Variants in EPHA6 observed in about 807,000 individuals in gnomAD.
EPHA6 encodes ephrin type-A receptor 6.
In EPHA6, 50 loss-of-function variants were observed where a neutral mutation model predicts 112.0. The ratio of observed to expected loss-of-function variants is 0.45; its 90% CI spans 0.36 to 0.56. The LOEUF (loss-of-function observed/expected upper bound fraction) is 0.56, where lower values mean the gene tolerates loss of function less well. Among genes scored for constraint, EPHA6 ranks in the 20% least tolerant of loss-of-function variants. The pLI, the probability that EPHA6 is intolerant of heterozygous loss-of-function variation, is 0.00. For missense variants in EPHA6, 1,280 were observed against 1,417.4 expected, an observed-to-expected ratio of 0.90 and a Z score of 1.56; for synonymous variants, 529 against 490.7, an observed-to-expected ratio of 1.08 and a Z score of -1.03.
chr3:97,309,520 A>T (rs1223478828), intron 5 of EPHA6, among the ~76,000 whole-genome samples: 5 of 151,664 alleles, frequency 3.3e-5, no homozygotes, highest in South Asian at 2.1e-4. Flanking sequence ...ATGGCTTATT[A>T]TACTTAGAAA....
chr3:97,088,435 C>T (rs1303030448), intron 3 of EPHA6, among the ~76,000 whole-genome samples: 1 of 152,062 alleles, frequency 6.6e-6, no homozygotes, highest in African/African-American at 2.4e-5. Flanking sequence ...CATTCTGTCT[C>T]CATTCTTAGA....
In EPHA6 at chr3:96,919,447, A is replaced by T. The variant is rs190739302; in HGVS notation, c.450+52558A>T. ...GACAGTAGATTCCATAGAAATTCAT[A>T]AAAGTACATTAATATTATCTACAAA... On this transcript the variant is annotated intron_variant, in intron 2 of 17. Coordinates refer to ENST00000389672, the MANE Select transcript of EPHA6 (RefSeq NM_001080448.3). Among the ~76,000 whole-genome samples the T allele has an allele frequency of 8.9e-4, 136 of 152,048 alleles. 1 individual carries two copies. Among genetic ancestry groups the T allele is most frequent in the Middle Eastern group, 3.4e-3 (1 of 292 alleles).
At chr3:97,378,281 C>T (rs539843777) in intron 5 of EPHA6, among the ~76,000 whole-genome samples, 1 of 152,268 alleles carries the variant, frequency 6.6e-6, no homozygotes, top group South Asian at 2.1e-4. Flanking sequence ...TGTAGGTGCA[C>T]AGAGTCAAGA....
chr3:97,538,780 A>G (rs1194931667), intron 11 of EPHA6, among the ~76,000 whole-genome samples: 1 of 152,184 alleles, frequency 6.6e-6, no homozygotes, highest in Non-Finnish European at 1.5e-5. Flanking sequence ...CTCATGAAGC[A>G]TATCATGGGA....
chr3:97,275,809 A>G (rs907048998), intron 5 of EPHA6, among the ~76,000 whole-genome samples: 12 of 151,860 alleles, frequency 7.9e-5, no homozygotes, highest in African/African-American at 2.9e-4. Context: ...GAGTAGAGGT[A>G]TCCCATACTG....
intron 14 of EPHA6, among the ~76,000 whole-genome samples, chr3:97,703,786 G>A (rs2033528509): frequency 6.6e-6 from 1 of 152,136 alleles, no homozygotes; most frequent in Non-Finnish European, 1.5e-5. Flanking sequence ...TTGAGCACAT[G>A]TGAAGTCCTT....
intron 3 of EPHA6, among the ~76,000 whole-genome samples, chr3:97,074,679 A>G (rs2046461487): frequency 6.6e-6 from 1 of 152,028 alleles, no homozygotes. Flanking sequence ...CAAAATTCCA[A>G]GGATATTTTT....
chr3:97,033,200 T>G (rs1242075504), intron 3 of EPHA6, among the ~76,000 whole-genome samples: 1 of 151,978 alleles, frequency 6.6e-6, no homozygotes, highest in Non-Finnish European at 1.5e-5. Context: ...GTATAACAAT[T>G]TAAGCTTTAC....
chr3:97,038,705 A>C (rs2045201908), intron 3 of EPHA6, among the ~76,000 whole-genome samples: 1 of 152,026 alleles, frequency 6.6e-6, no homozygotes, highest in Admixed American at 6.6e-5. Flanking sequence ...CTTTGGGTGT[A>C]GGCAGGGACC....
Position 97,421,496 on chromosome 3 carries a change from A to G in EPHA6, c.1731+16222A>G, listed in dbSNP as rs193279736. ...AATTTTATAGAAAGACATTAAAAAC[A>G]CTCAAATACAGCCCACATTTGTAAA... On this transcript the variant is annotated intron_variant, in intron 6 of 17. Coordinates refer to ENST00000389672, the MANE Select transcript of EPHA6 (RefSeq NM_001080448.3). Among the ~76,000 whole-genome samples the G allele has an allele frequency of 2.0e-3, 309 of 152,256 alleles. 4 individuals carry two copies. Among genetic ancestry groups the G allele is most frequent in the East Asian group, 2.5e-3 (13 of 5,192 alleles).
intron 5 of EPHA6, among the ~76,000 whole-genome samples, chr3:97,283,607 G>C (rs2080364856): frequency 6.6e-6 from 1 of 151,960 alleles, no homozygotes; most frequent in Admixed American, 6.6e-5. Context: ...GCCTTTCAGG[G>C]GGGTGAGGGG....
At chr3:97,731,819 G>A (rs1353065303) in intron 15 of EPHA6, among the ~76,000 whole-genome samples, 10 of 151,946 alleles carry the variant, frequency 6.6e-5, no homozygotes, top group African/African-American at 2.4e-5. Context: ...ACTCCAACCC[G>A]AGAATTGCTT....
intron 11 of EPHA6, among the ~76,000 whole-genome samples, chr3:97,551,639 T>G (rs1178571495): frequency 4.6e-5 from 7 of 152,148 alleles, no homozygotes; most frequent in Non-Finnish European, 1.0e-4. Flanking sequence ...AGTATGGCTC[T>G]CCATAAATAC....
intron 3 of EPHA6, among the ~76,000 whole-genome samples, chr3:97,031,938 C>T (rs111764874): frequency 0.051 from 7,831 of 152,142 alleles, 660 homozygotes; most frequent in African/African-American, 0.18. Context: ...CCAGCCATCC[C>T]GTTACTGGGT....
At chr3:97,375,223 T>C (rs1180053388) in intron 5 of EPHA6, among the ~76,000 whole-genome samples, 3 of 152,104 alleles carry the variant, frequency 2.0e-5, no homozygotes, top group Non-Finnish European at 4.4e-5. Flanking sequence ...CCTTGCAAAA[T>C]AAAAGGGAAG....
At chr3:96,948,401 A>C (rs1263005531) in intron 2 of EPHA6, among the ~76,000 whole-genome samples, 1 of 152,204 alleles carries the variant, frequency 6.6e-6, no homozygotes, top group Non-Finnish European at 1.5e-5. Flanking sequence ...TTTGAAACTT[A>C]GGAATCAGTG....
intron 17 of EPHA6, among the ~76,000 whole-genome samples, chr3:97,748,106 C>T (rs1201225745): frequency 6.6e-6 from 1 of 152,068 alleles, no homozygotes; most frequent in Non-Finnish European, 1.5e-5. Context: ...ATGGCAATTT[C>T]ATACAGTACA....
At chr3:97,568,627 T>C (rs896377192) in intron 11 of EPHA6, among the ~76,000 whole-genome samples, 14 of 152,356 alleles carry the variant, frequency 9.2e-5, no homozygotes, top group African/African-American at 2.6e-4. Context: ...TTGCCCTTTT[T>C]AGGTTTAATC....
At chr3:97,440,955 A>G (rs909547624) in intron 6 of EPHA6, among the ~76,000 whole-genome samples, 4 of 151,980 alleles carry the variant, frequency 2.6e-5, no homozygotes, top group Non-Finnish European at 4.4e-5. Context: ...TCAAAACTGA[A>G]TAAGGAGAAG....
Sources: allele counts gnomAD v4.1 joint callset (sites outside exome capture counted in the v4.1 genomes callset), GRCh38; gene constraint gnomAD v4.1.1; transcripts MANE v1.5; gene names NCBI Gene and HGNC (gene_info 2026-07-23, HGNC 2026-07-21).